PDE4D: variants seen among roughly 807,000 people sequenced by gnomAD.
PDE4D encodes the protein 3',5'-cyclic-AMP phosphodiesterase 4D.
Under a neutral mutation model 87.4 loss-of-function variants are expected in PDE4D, and 24 were observed. The observed-to-expected ratio is 0.27, with a 90% confidence interval of 0.20 to 0.39. The LOEUF (loss-of-function observed/expected upper bound fraction) is 0.39. Among genes scored for constraint, PDE4D ranks in the 10% least tolerant of loss-of-function variants. The pLI, the probability that PDE4D is intolerant of heterozygous loss-of-function variation, is 1.00. For synonymous variants in PDE4D, 384 were observed against 383.2 expected (o/e 1.00, Z -0.02); for missense variants, 714 against 1,041.0 (o/e 0.69, Z 4.32).
At chr5:59,910,797 A>G (rs928016298) in intron 3 of PDE4D, among the ~76,000 whole-genome samples, 1 of 152,194 alleles carries the variant, frequency 6.6e-6, no homozygotes, top group African/African-American at 2.4e-5. Flanking sequence ...CCTGCCCCCA[A>G]AGAACTCCAT....
At chr5:60,499,257 A>T (rs528819807) in intron 1 of PDE4D, among the ~76,000 whole-genome samples, 1 of 152,332 alleles carries the variant, frequency 6.6e-6, no homozygotes, top group South Asian at 2.1e-4. Flanking sequence ...ATGTGCATGC[A>T]TTATGCCATT....
At chr5:59,724,097 A>G (rs924860367) in intron 1 of PDE4D, among the ~76,000 whole-genome samples, 8 of 152,158 alleles carry the variant, frequency 5.3e-5, no homozygotes, top group Non-Finnish European at 5.9e-5. Flanking sequence ...TGGTCCTTCT[A>G]GGACCTATTT....
At chr5:60,160,793 C>T (rs1473296547) in intron 2 of PDE4D, 1 of 452,416 alleles carries the variant, frequency 2.2e-6, no homozygotes, top group South Asian at 1.6e-5. Context: ...TCCTGTCTTC[C>T]TCTCCACATC....
At chr5:60,432,575 CT>C (rs1352185619) in intron 1 of PDE4D, among the ~76,000 whole-genome samples, 2 of 152,168 alleles carry the variant, frequency 1.3e-5, no homozygotes, top group Non-Finnish European at 2.9e-5. Flanking sequence ...CTAGAAAAAA[CT>C]ATTCTAAAAT....
At chr5:60,130,587 G>C (rs575515670) in intron 2 of PDE4D, among the ~76,000 whole-genome samples, 1 of 152,274 alleles carries the variant, frequency 6.6e-6, no homozygotes, top group Admixed American at 6.5e-5. Context: ...AGGCAGGATG[G>C]CAAGAGACTC....
At chr5:59,823,155 A>G (rs1424611614) in intron 1 of PDE4D, among the ~76,000 whole-genome samples, 1 of 152,118 alleles carries the variant, frequency 6.6e-6, no homozygotes, top group African/African-American at 2.4e-5. Flanking sequence ...TTCTCAACTC[A>G]GGTCCTAGGG....
intron 1 of PDE4D, among the ~76,000 whole-genome samples, chr5:59,753,279 T>C (rs1161162267): frequency 1.3e-5 from 2 of 152,058 alleles, no homozygotes; most frequent in Non-Finnish European, 2.9e-5. Context: ...CCTGGTGGTA[T>C]TGGGAGGGAA....
chr5:59,975,233 T>G (rs189146048), intron 3 of PDE4D, among the ~76,000 whole-genome samples: 5 of 152,322 alleles, frequency 3.3e-5, no homozygotes, highest in Admixed American at 3.3e-4. Context: ...CTGGGTGACT[T>G]TGATGTTGAT....
At chr5:59,404,689 T>C (rs1294417225) in intron 1 of PDE4D, among the ~76,000 whole-genome samples, 2 of 144,264 alleles carry the variant, frequency 1.4e-5, no homozygotes, top group South Asian at 2.2e-4. Context: ...AAATCTTTGC[T>C]CAGGCCAATG....
At chr5:60,324,771 A>G (rs1756624167) in intron 1 of PDE4D, among the ~76,000 whole-genome samples, 1 of 152,254 alleles carries the variant, frequency 6.6e-6, no homozygotes. Flanking sequence ...GTCTGTATAA[A>G]ATGGAGGTGA....
exon 2 of PDE4D, chr5:60,185,646 A>G (rs754604159): frequency 6.5e-5 from 80 of 1,239,802 alleles, no homozygotes; most frequent in Admixed American, 1.8e-4. Context: ...TCCAGTGTCA[A>G]TGATCTCACT....
intron 2 of PDE4D, among the ~76,000 whole-genome samples, chr5:60,128,173 G>C (rs1228814520): frequency 6.6e-6 from 1 of 152,172 alleles, no homozygotes; most frequent in Non-Finnish European, 1.5e-5. Context: ...GTAACCCTAA[G>C]TCAGTAAAGA....
intron 1 of PDE4D, among the ~76,000 whole-genome samples, chr5:59,293,977 C>T (rs1163440538): frequency 1.3e-5 from 2 of 152,206 alleles, no homozygotes; most frequent in Non-Finnish European, 2.9e-5. Flanking sequence ...AAGCAGCCTG[C>T]TCCCAACTCC....
intron 1 of PDE4D, among the ~76,000 whole-genome samples, chr5:59,572,717 T>A (rs1822081428): frequency 6.6e-6 from 1 of 152,132 alleles, no homozygotes; most frequent in Admixed American, 6.5e-5. Context: ...CCTGACCTCG[T>A]GATCCACCCG....
At chr5:60,480,908 C>T (rs1748681435) in intron 1 of PDE4D, among the ~76,000 whole-genome samples, 1 of 152,066 alleles carries the variant, frequency 6.6e-6, no homozygotes, top group African/African-American at 2.4e-5. Flanking sequence ...GGATATTTTA[C>T]TCTTTTGGTG....
chr5:59,806,274 G>A (rs576080424), intron 1 of PDE4D, among the ~76,000 whole-genome samples: 16 of 152,296 alleles, frequency 1.1e-4, no homozygotes, highest in Admixed American at 9.8e-4. Context: ...ACTCACCTTG[G>A]AGCAGAGGTT....
chr5:59,629,240 A>G (rs1831268608), intron 1 of PDE4D, among the ~76,000 whole-genome samples: 1 of 152,156 alleles, frequency 6.6e-6, no homozygotes, highest in Non-Finnish European at 1.5e-5. Context: ...GTGTCCCCCT[A>G]TCAAAATTAA....
At chr5:60,398,007 T>A (rs1001364748) in intron 1 of PDE4D, among the ~76,000 whole-genome samples, 77 of 152,228 alleles carry the variant, frequency 5.1e-4, no homozygotes, top group African/African-American at 1.7e-3. Flanking sequence ...TGGACAAGAT[T>A]TCTCAGGATT....
At chr5:59,428,235 T>C (rs1419412216) in intron 1 of PDE4D, among the ~76,000 whole-genome samples, 1 of 152,206 alleles carries the variant, frequency 6.6e-6, no homozygotes, top group Non-Finnish European at 1.5e-5. Flanking sequence ...ATACTTAGCT[T>C]TAAATCGAGC....
Sources: gnomAD v4.1 joint callset for allele counts (sites outside exome capture counted in the v4.1 genomes callset) on GRCh38, gnomAD v4.1.1 for gene constraint, MANE v1.5 for transcripts, NCBI Gene and HGNC (gene_info 2026-07-23, HGNC 2026-07-21) for gene names.